Variants in PPP2R5C observed in about 807,000 individuals in gnomAD.
The protein encoded by PPP2R5C is protein phosphatase 2 regulatory subunit B'gamma.
Under a neutral mutation model 68.9 loss-of-function variants are expected in PPP2R5C, and 7 were observed. The observed-to-expected ratio is 0.10, with a 90% CI of 0.06 to 0.19. The LOEUF (loss-of-function observed/expected upper bound fraction) is 0.19. PPP2R5C is among the 10% of genes least tolerant of loss of function. PPP2R5C has a pLI of 1.00. For missense variants in PPP2R5C, 348 were observed against 641.3 expected, an observed-to-expected ratio of 0.54 and a Z score of 4.94; for synonymous variants, 210 against 222.2, an observed-to-expected ratio of 0.95 and a Z score of 0.49.
chr14:101,808,796 T>A (rs563235263), upstream of PPP2R5C, among the ~76,000 whole-genome samples: 121 of 152,322 alleles, frequency 7.9e-4, no homozygotes, highest in African/African-American at 2.8e-3. Flanking sequence ...AAGGAGGAAT[T>A]TTTTTCAGTT....
At chr14:101,878,908 G>A (rs2043966484) in intron 2 of PPP2R5C, among the ~76,000 whole-genome samples, 1 of 152,262 alleles carries the variant, frequency 6.6e-6, no homozygotes, top group South Asian at 2.1e-4. Context: ...AGCTGGCACA[G>A]TCGGGGACAT....
intron 1 of PPP2R5C, among the ~76,000 whole-genome samples, chr14:101,848,350 G>T (rs1224966345): frequency 6.6e-6 from 1 of 151,972 alleles, no homozygotes; most frequent in Non-Finnish European, 1.5e-5. Flanking sequence ...GGCCAATGTG[G>T]TGAAACCCCA....
At chr14:101,836,441 G>A (rs1268115638) in intron 1 of PPP2R5C, 2 of 688,850 alleles carry the variant, frequency 2.9e-6, no homozygotes, top group African/African-American at 3.5e-5. Context: ...TGTCGTAGCT[G>A]GTTTTGTATT....
At chr14:101,847,693 A>G (rs1395406215) in intron 1 of PPP2R5C, among the ~76,000 whole-genome samples, 1 of 124,436 alleles carries the variant, frequency 8.0e-6, no homozygotes, top group Admixed American at 9.3e-5. Context: ...CCTGAGACGG[A>G]GTCTCTATCG....
At chr14:101,809,947 T>C (rs1276736874) in exon 1 of PPP2R5C, 1 of 1,613,822 alleles carries the variant, frequency 6.2e-7, no homozygotes, top group Non-Finnish European at 8.5e-7. Context: ...GTCTAGATGT[T>C]GACATGTAAT....
chr14:101,905,708 C>T (rs575641840), intron 9 of PPP2R5C, among the ~76,000 whole-genome samples: 21 of 152,118 alleles, frequency 1.4e-4, no homozygotes, highest in Non-Finnish European at 2.5e-4. Context: ...AGTGGCTTCC[C>T]GTGAGTAAGC....
Position 101,877,401 on chromosome 14 carries a change from G to T in PPP2R5C, c.295-4760G>T, listed in dbSNP as rs1411164107. On this transcript the variant is annotated intron_variant, in intron 2 of 13. Coordinates refer to ENST00000334743, the Ensembl canonical transcript of PPP2R5C. The surrounding 1 kb of genome is among the most constrained non-coding windows in gnomAD (Gnocchi z 4.2). ...CGTGATTCTGCGTCTGTGCCTCTGG[G>T]TGTGCGCTGGATCCGTAGGTCTCAT... Among the ~76,000 whole-genome samples, 1 of 152,146 alleles carries T rather than the reference G, an allele frequency of 6.6e-6. No homozygotes were observed. Among genetic ancestry groups the T allele is most frequent in the Non-Finnish European group, 1.5e-5 (1 of 68,012 alleles).
chr14:101,863,860 T>G (rs1458528676), intron 2 of PPP2R5C, among the ~76,000 whole-genome samples: 1 of 152,098 alleles, frequency 6.6e-6, no homozygotes. Flanking sequence ...ATCGCACCAC[T>G]GCACTCCAGC....
chr14:101,828,429 C>T (rs1163446531), intron 1 of PPP2R5C, among the ~76,000 whole-genome samples: 1 of 152,014 alleles, frequency 6.6e-6, no homozygotes, highest in Non-Finnish European at 1.5e-5. Context: ...CCATTTTATT[C>T]AGTGATATAA....
At chr14:101,832,130 T>A (rs1011785070) in intron 1 of PPP2R5C, among the ~76,000 whole-genome samples, 2 of 152,220 alleles carry the variant, frequency 1.3e-5, no homozygotes, top group Admixed American at 1.3e-4. Context: ...GTGATTTTCT[T>A]GCTCCTCATT....
At chr14:101,822,142 C>A (rs542666000) in intron 1 of PPP2R5C, among the ~76,000 whole-genome samples, 1 of 133,120 alleles carries the variant, frequency 7.5e-6, no homozygotes, top group Admixed American at 8.8e-5. Flanking sequence ...AGGAATCTGG[C>A]GCTATCAGAG....
chr14:101,786,756 T>C (rs2038106420), intron 3 of PPP2R5C, among the ~76,000 whole-genome samples: 1 of 152,186 alleles, frequency 6.6e-6, no homozygotes, highest in South Asian at 2.1e-4. Flanking sequence ...GGTTGTTTAA[T>C]CCCTAAAAGT....
chr14:101,761,806 G>C (rs2036553584), upstream of PPP2R5C: 1 of 968,806 alleles, frequency 1.0e-6, no homozygotes. Flanking sequence ...CGGCGGCCGC[G>C]GGGGCGCGAC....
chr14:101,802,819 G>A (rs958910512), intron 3 of PPP2R5C, among the ~76,000 whole-genome samples: 5 of 151,830 alleles, frequency 3.3e-5, no homozygotes, highest in Non-Finnish European at 7.4e-5. Flanking sequence ...TTAAATAGAC[G>A]TTTCTCCAAA....
intron 3 of PPP2R5C, among the ~76,000 whole-genome samples, chr14:101,789,363 C>T (rs1212319177): frequency 6.6e-6 from 1 of 152,178 alleles, no homozygotes; most frequent in Non-Finnish European, 1.5e-5. Flanking sequence ...GCTGGTGCTC[C>T]GGAGTCCAAG....
At chr14:101,764,554 G>A (rs1233782076) in intron 2 of PPP2R5C, among the ~76,000 whole-genome samples, 1 of 152,130 alleles carries the variant, frequency 6.6e-6, no homozygotes, top group African/African-American at 2.4e-5. Flanking sequence ...TCTTCAGCAG[G>A]TGGTTTATTC....
chr14:101,817,930 G>A (rs1027250788), intron 1 of PPP2R5C: 3 of 152,250 alleles, frequency 2.0e-5, no homozygotes, highest in Admixed American at 6.5e-5. Context: ...CTAGGGCCCC[G>A]CCACTTAGCC....
chr14:101,917,984 T>G lies in PPP2R5C; in HGVS notation c.1443+37T>G. ...CCGAGCTCAGCTGGGCACCCATGACTGATTTGCTTAAGAAATGCACATTTT... is the reference window on the plus strand; with the variant it reads ...CCGAGCTCAGCTGGGCACCCATGACGGATTTGCTTAAGAAATGCACATTTT... On this transcript the variant is annotated intron_variant, in intron 13 of 13. Coordinates refer to ENST00000334743, the Ensembl canonical transcript of PPP2R5C. This position sits in a 1 kb window ranked among gnomAD's most constrained non-coding sequence, Gnocchi z 4.4. 9 of 1,612,832 alleles carry G rather than the reference T, an allele frequency of 5.6e-6. No individual in the cohort carries two copies. Among genetic ancestry groups the G allele is most frequent in the Non-Finnish European group, 7.6e-6 (9 of 1,179,172 alleles).
intron 13 of PPP2R5C, chr14:101,922,304 C>T (rs145147542): frequency 0.025 from 12,567 of 511,214 alleles, 204 homozygotes; most frequent in Non-Finnish European, 0.029. Flanking sequence ...GCCTGACCAA[C>T]ATGGTGAAAC....
Sources: allele counts gnomAD v4.1 joint callset (sites outside exome capture counted in the v4.1 genomes callset), GRCh38; gene constraint gnomAD v4.1.1; non-coding constraint Gnocchi (gnomAD v3.1); transcripts MANE v1.5; gene names NCBI Gene and HGNC (gene_info 2026-07-23, HGNC 2026-07-21).